The following UVSSA variants were observed in gnomAD, a reference collection of about 807,000 sequenced individuals.
The protein encoded by UVSSA is UV stimulated scaffold protein A.
Under a neutral mutation model 73.9 loss-of-function variants are expected in UVSSA, and 72 were observed. The observed-to-expected ratio is 0.97, with a 90% confidence interval of 0.81 to 1.19. UVSSA has a LOEUF of 1.19. Among genes scored for constraint, UVSSA ranks in the 50% most tolerant of loss-of-function variants. The probability of loss-of-function intolerance (pLI) is 0.00; values close to 1 mark genes in which losing one functional copy is unlikely to be tolerated. For synonymous variants in UVSSA, 454 were observed against 391.3 expected, an observed-to-expected ratio of 1.16 and a Z score of -1.89; for missense variants, 1,150 against 965.0, an observed-to-expected ratio of 1.19 and a Z score of -2.54.
intron 7 of UVSSA, among the ~76,000 whole-genome samples, chr4:1,358,848 G>A (rs901210702): frequency 2.6e-5 from 4 of 152,222 alleles, no homozygotes; most frequent in Admixed American, 6.5e-5. Flanking sequence ...AACAGGGCAC[G>A]CTAATTCAGT....
At chr4:1,350,824 A>G (rs1714604004) in intron 3 of UVSSA, among the ~76,000 whole-genome samples, 1 of 151,586 alleles carries the variant, frequency 6.6e-6, no homozygotes, top group Non-Finnish European at 1.5e-5. Flanking sequence ...TTGGCCACGC[A>G]TGGGTGCTGT....
At chr4:1,374,691 G>A (rs1209388330) in intron 8 of UVSSA, among the ~76,000 whole-genome samples, 1 of 152,246 alleles carries the variant, frequency 6.6e-6, no homozygotes, top group Non-Finnish European at 1.5e-5. Flanking sequence ...CTGGCAGACG[G>A]AGGGAGTTGC....
In UVSSA at chr4:1,355,106, C is replaced by A. The variant is rs761599571; in HGVS notation, c.1048-11C>A. ...GCCGGCCCCTGAGCTGTTCGCACCC[C>A]CGTTTCGCAGCGCTTCACCCGCGTC... On this transcript the variant is annotated splice_polypyrimidine_tract_variant and intron_variant, in intron 6 of 13. Coordinates refer to ENST00000389851, the MANE Select transcript of UVSSA (RefSeq NM_020894.4). 1 of 1,613,146 alleles carries A rather than the reference C, an allele frequency of 6.2e-7. No homozygotes were observed. The highest frequency in any genetic ancestry group is 8.5e-7 in the Non-Finnish European group (1 of 1,179,714).
chr4:1,382,099 G>A (rs1719577610), intron 12 of UVSSA, among the ~76,000 whole-genome samples: 1 of 152,200 alleles, frequency 6.6e-6, no homozygotes, highest in African/African-American at 2.4e-5. Flanking sequence ...CGGGTGTCTT[G>A]CACTCTGGTC....
At chr4:1,375,802 C>T (rs1173882477) in intron 9 of UVSSA, among the ~76,000 whole-genome samples, 3 of 152,268 alleles carry the variant, frequency 2.0e-5, no homozygotes, top group Non-Finnish European at 4.4e-5. Flanking sequence ...TGTCAGGTCA[C>T]CTCTGGGCCA....
intron 8 of UVSSA, among the ~76,000 whole-genome samples, chr4:1,372,801 ACCTCCCGCG>A (rs1718265181): frequency 1.1e-4 from 4 of 37,960 alleles, no homozygotes; most frequent in East Asian, 6.5e-4. Flanking sequence ...CCCTGCACTC[ACCTCCCGCG>A]TCTCAGGGCA....
At chr4:1,376,752 G>T (rs1362143680) in intron 10 of UVSSA, among the ~76,000 whole-genome samples, 1 of 152,224 alleles carries the variant, frequency 6.6e-6, no homozygotes. Context: ...GGGTACTCCA[G>T]CGCCTGCCAC....
At chr4:1,367,013 C>A (rs1180134608) in intron 8 of UVSSA, among the ~76,000 whole-genome samples, 1 of 152,210 alleles carries the variant, frequency 6.6e-6, no homozygotes, top group Non-Finnish European at 1.5e-5. Context: ...CCCGCGCCTT[C>A]CAGGCTCCCA....
Position 1,386,039 on chromosome 4 carries a change from C to G in UVSSA, c.*78C>G. On this transcript the variant is annotated 3_prime_UTR_variant, in exon 14 of 14. Transcript: ENST00000389851. ...TCAGGACAGCAGAGTGGGCGTGGGT[C>G]TGGGCAGTAACCATGCTTTGTCTAT... is the stretch of plus-strand genomic sequence containing the variant. The G allele has an allele frequency of 2.1e-6, 3 of 1,438,880 alleles. No individual in the cohort carries two copies. The highest frequency in any genetic ancestry group is 2.3e-5 in the East Asian group (1 of 43,948). 89.1% of individuals were successfully genotyped at this position (1,438,880 alleles called of 1,614,324 possible).
In UVSSA at chr4:1,394,465, C is replaced by G. The variant is rs746699437; in HGVS notation, c.*8504C>G. On this transcript the variant is annotated 3_prime_UTR_variant, in exon 14 of 14. Coordinates refer to the UVSSA transcript ENST00000511216. ...TGATACAAAATGTGAGCCAGGAAAC[C>G]CAGTTTTTAAATTTCAAATAGCTGT... 11 of 1,608,548 alleles carry G rather than the reference C, an allele frequency of 6.8e-6. No homozygotes were observed. In the South Asian group the frequency reaches 1.1e-4, roughly 16 times the overall value.
At chr4:1,369,857 G>T (rs1234282473) in intron 8 of UVSSA, among the ~76,000 whole-genome samples, 6 of 152,238 alleles carry the variant, frequency 3.9e-5, no homozygotes, top group Non-Finnish European at 5.9e-5. Flanking sequence ...GTGAATTTGA[G>T]CCAAGATACT....
intron 8 of UVSSA, among the ~76,000 whole-genome samples, chr4:1,374,465 A>G (rs1218255275): frequency 6.6e-6 from 1 of 152,206 alleles, no homozygotes; most frequent in Non-Finnish European, 1.5e-5. Flanking sequence ...GAGGCAGGTC[A>G]GGGCCCAGCA....
At chr4:1,382,665 T>C (rs1217907622) in intron 12 of UVSSA, among the ~76,000 whole-genome samples, 1 of 152,224 alleles carries the variant, frequency 6.6e-6, no homozygotes, top group East Asian at 1.9e-4. Context: ...ATAAACTGTT[T>C]GGACAGTTTT....
rs1248117810 is a variant in UVSSA, at chr4:1,385,866, A to G, written c.2037-2A>G. ...GTCACATCTTGCCTTGTTTCCCCAC[A>G]GGGCAGCTGTGCGGAGGGTAGTGGC... On this transcript the variant is annotated splice_acceptor_variant, in intron 13 of 13. Transcript: ENST00000389851. LOFTEE classifies it high-confidence loss of function. 6.2e-7 allele frequency: 1 copy of G among 1,613,888 alleles called. No homozygotes were observed. The highest frequency in any genetic ancestry group is 8.5e-7 in the Non-Finnish European group (1 of 1,179,996).
intron 10 of UVSSA, among the ~76,000 whole-genome samples, chr4:1,378,428 C>T (rs1413316539): frequency 1.3e-5 from 2 of 152,218 alleles, no homozygotes; most frequent in African/African-American, 2.4e-5. Context: ...TGGCGTGCGC[C>T]TGTAATCCCA....
chr4:1,395,226 C>T (rs2109337879), exon 14 of UVSSA: 1 of 1,478,366 alleles, frequency 6.8e-7, no homozygotes, highest in East Asian at 2.3e-5. Flanking sequence ...ATGCGGAGTG[C>T]CCGCCTGCTC....
chr4:1,362,393 G>T (rs76013187), intron 7 of UVSSA, among the ~76,000 whole-genome samples: 2,342 of 152,320 alleles, frequency 0.015, 71 homozygotes, highest in African/African-American at 0.051. Flanking sequence ...GAAGGTGTGG[G>T]CACGGGTCAC....
chr4:1,348,306 C>T (rs756171519), intron 2 of UVSSA, 117 bp downstream of exon 2: 3 of 783,600 alleles, frequency 3.8e-6, no homozygotes, highest in African/African-American at 1.7e-5. Context: ...ACACCCAGGA[C>T]ATTTTCTCGG....
At chr4:1,394,668 G>T (rs780404128) in exon 14 of UVSSA, 1 of 1,586,580 alleles carries the variant, frequency 6.3e-7, no homozygotes, top group Non-Finnish European at 8.6e-7. Context: ...CATGTGGAGT[G>T]CCCGCCTGCT....
Sources: allele counts gnomAD v4.1 joint callset (sites outside exome capture counted in the v4.1 genomes callset), GRCh38; gene constraint gnomAD v4.1.1; transcripts MANE v1.5; gene names NCBI Gene and HGNC (gene_info 2026-07-23, HGNC 2026-07-21).